The following B3GAT1 variants were observed in gnomAD, a reference collection of about 807,000 sequenced individuals.
B3GAT1 encodes beta-1,3-glucuronyltransferase 1.
In B3GAT1, 11 loss-of-function variants were observed where a neutral mutation model predicts 28.4. The ratio of observed to expected loss-of-function variants is 0.39; its 90% CI spans 0.24 to 0.64. B3GAT1 has a LOEUF of 0.64. Among genes scored for constraint, B3GAT1 ranks in the 30% least tolerant of loss-of-function variants. B3GAT1 has a pLI of 0.50. For synonymous variants in B3GAT1, 255 were observed against 223.1 expected, an observed-to-expected ratio of 1.14 and a Z score of -1.27; for missense variants, 375 against 491.0, an observed-to-expected ratio of 0.76 and a Z score of 2.23.
chr11:134,401,997 G>T (rs1455799083), intron 1 of B3GAT1, among the ~76,000 whole-genome samples: 4 of 146,334 alleles, frequency 2.7e-5, no homozygotes, highest in East Asian at 2.0e-4. Context: ...CCTGACCACT[G>T]TCGGGAGGCG....
At position 134,380,596 on chromosome 11, in the gene B3GAT1, CTGTCCTT is replaced by C. The variant is rs542412662; in HGVS notation, c.*159_*165del. 6.5e-6 allele frequency: 1 copy of C among 152,888 alleles called. No individual in the cohort carries two copies. Among genetic ancestry groups the C allele is most frequent in the East Asian group, 1.9e-4 (1 of 5,188 alleles). The allele number at this position is 152,888 out of a possible 1,614,324, so 9.5% of individuals were successfully genotyped here. A position where few individuals can be genotyped will look rare whatever the true frequency, so the allele number is the denominator to read the frequency against. The stretch of plus-strand genomic sequence containing the variant: ...TCTGGGATTTCTGTGCTTAAATTCT[CTGTCCTT>C]TGTTCTGGCATCAGGCTGGGCTCTC... On this transcript the variant is annotated 3_prime_UTR_variant, in exon 6 of 6. Coordinates refer to ENST00000312527, the MANE Select transcript of B3GAT1 (RefSeq NM_054025.3).
Position 134,393,053 on chromosome 11 carries a change from C to T in B3GAT1, c.-281-5113G>A, listed in dbSNP as rs1421915907. Among the ~76,000 whole-genome samples the T allele has an allele frequency of 6.6e-6, 1 of 152,140 alleles. No homozygotes were observed. The highest frequency in any genetic ancestry group is 2.4e-5 in the African/African-American group (1 of 41,428). ...ACACAGCTCGCTCCAGTGCAGGTGA[C>T]GTGTGAACGCAAAATGTTCCCAAAG... On this transcript the variant is annotated intron_variant, in intron 1 of 5. Transcript: ENST00000312527. The surrounding 1 kb of genome is among the most constrained non-coding windows in gnomAD (Gnocchi z 4.0).
intron 1 of B3GAT1, chr11:134,389,964 C>T (rs1013201531): frequency 1.3e-5 from 2 of 152,238 alleles, no homozygotes; most frequent in African/African-American, 4.8e-5. Flanking sequence ...CTGTGGTTTC[C>T]CAGGACGGCC....
In B3GAT1 at chr11:134,380,367, G is replaced by C. The variant is rs1944096781; in HGVS notation, c.*395C>G. The C allele has an allele frequency of 6.6e-6, 1 of 152,194 alleles. No homozygotes were observed. Among genetic ancestry groups the C allele is most frequent in the Non-Finnish European group, 1.5e-5 (1 of 68,070 alleles). The allele number at this position is 152,194 out of a possible 1,614,324, so 9.4% of individuals were successfully genotyped here. On this transcript the variant is annotated 3_prime_UTR_variant, in exon 6 of 6. Transcript: ENST00000312527. ...AGCCAGGGAGGGCCATGCTCCACTT[G>C]ACTGCGGGGTCTTCTTATCTCCCTC...
rs1031806206 is a variant in B3GAT1, at chr11:134,387,960, C to A, written c.-281-20G>T. 6 of 1,122,654 alleles carry A rather than the reference C, an allele frequency of 5.3e-6. No individual in the cohort carries two copies. In the African/African-American group the frequency reaches 9.3e-5, roughly 17 times the overall value. 69.5% of individuals were successfully genotyped at this position (1,122,654 alleles called of 1,614,324 possible). A position where few individuals can be genotyped will look rare whatever the true frequency, so the allele number is the denominator to read the frequency against. ...GGACACCTGCAAGAGAGAGCAGAAG[C>A]GGATAGCCAGAGACCCAGGTATAGG... On this transcript the variant is annotated intron_variant, in intron 1 of 5. Transcript: ENST00000312527.
chr11:134,384,093 C>G lies in B3GAT1; in HGVS notation c.208G>C (p.Glu70Gln). ...DRDIVEVVRT[E>Q]YVYTRPPPWS... ...GGCGGGGGCCGCGTGTACACGTACT[C>G]GGTGCGCACCACCTCCACGATGTCG... The change falls in exon 3 of 6, where the codon GAG (glutamate) becomes CAG (glutamine). Residue 70 changes from glutamate to glutamine, a missense_variant. Coordinates refer to ENST00000312527, the MANE Select transcript of B3GAT1 (RefSeq NM_054025.3). The G allele has an allele frequency of 6.3e-7, 1 of 1,593,832 alleles. No individual in the cohort carries two copies. The highest frequency in any genetic ancestry group is 1.1e-5 in the South Asian group (1 of 90,712).
Position 134,383,927 on chromosome 11 carries a change from C to T in B3GAT1, c.374G>A (p.Arg125His), listed in dbSNP as rs780363345. ...LHWLVVEDAP[R>H]RTPLTARLLR... The stretch of plus-strand genomic sequence containing the variant: ...CAGGCGCGCGGTCAGCGGCGTCCGG[C>T]GCGGCGCATCCTCCACCACCAGCCA... The change falls in exon 3 of 6, where the codon CGC becomes CAC. Residue 125 changes from arginine (R) to histidine (H), a missense_variant. By Grantham distance (29) the Arg-to-His change is conservative. Coordinates refer to ENST00000312527, the MANE Select transcript of B3GAT1 (RefSeq NM_054025.3). 6 of 1,595,832 alleles carry T rather than the reference C, an allele frequency of 3.8e-6. No homozygotes were observed. In the African/African-American group the frequency reaches 4.0e-5, roughly 11 times the overall value.
chr11:134,411,576 T>G lies in B3GAT1; in HGVS notation c.-282+231A>C, dbSNP rs1474566754. 6.6e-6 allele frequency among the ~76,000 whole-genome samples: 1 copy of G among 152,098 alleles called. No homozygotes were observed. Among genetic ancestry groups the G allele is most frequent in the African/African-American group, 2.4e-5 (1 of 41,408 alleles). ...AATCCCGGTCGACGAGGGCAGGCTG[T>G]GCCGGGTTTTGTTTCGCAGCCCCTC... On this transcript the variant is annotated intron_variant, in intron 1 of 5. Coordinates refer to ENST00000312527, the MANE Select transcript of B3GAT1 (RefSeq NM_054025.3). This position sits in a 1 kb window ranked among gnomAD's most constrained non-coding sequence, Gnocchi z 6.0.
chr11:134,404,103 T>C (rs1039576169), intron 1 of B3GAT1, among the ~76,000 whole-genome samples: 3 of 148,806 alleles, frequency 2.0e-5, no homozygotes, highest in Middle Eastern at 3.5e-3. Flanking sequence ...ATGTGCCATG[T>C]TGGTGTGCTG....
rs1457077816 is a variant in B3GAT1 at position 134,400,017 on chromosome 11, T to C, written c.-282+11790A>G. Among the ~76,000 whole-genome samples, 3 of 152,144 alleles carry C rather than the reference T, an allele frequency of 2.0e-5. No homozygotes were observed. In the East Asian group the frequency reaches 5.8e-4, roughly 29 times the overall value. ...CAGCCAACTGCCCCACAGTACTGCC[T>C]TCCTGCTGTCATGCTGCCCTAGGCT... On this transcript the variant is annotated intron_variant, in intron 1 of 5. Transcript: ENST00000312527.
intron 4 of B3GAT1, among the ~76,000 whole-genome samples, chr11:134,382,306 A>AGTGTGTGT (rs3065400): frequency 2.0e-5 from 3 of 151,972 alleles, no homozygotes; most frequent in Non-Finnish European, 4.4e-5. Flanking sequence ...AGACTTCCCA[A>AGTGTGTGT]GTGTGTGTGT....
intron 2 of B3GAT1, chr11:134,384,461 TC>T: frequency 2.1e-6 from 1 of 470,244 alleles, no homozygotes; most frequent in Middle Eastern, 5.5e-4. Flanking sequence ...TTGCCCATAT[TC>T]CAAGATTGCA....
chr11:134,411,014 C>G lies in B3GAT1; in HGVS notation c.-282+793G>C, dbSNP rs1944842613. Among the ~76,000 whole-genome samples the G allele has an allele frequency of 1.3e-5, 2 of 152,196 alleles. No individual in the cohort carries two copies. The highest frequency in any genetic ancestry group is 2.9e-5 in the Non-Finnish European group (2 of 68,030). ...AGGCCTGGCTGGGGGAGGAAGGGGA[C>G]AGGGAAGTTGGCCAAGGCTCCCATG... On this transcript the variant is annotated intron_variant, in intron 1 of 5. Coordinates refer to ENST00000312527, the MANE Select transcript of B3GAT1 (RefSeq NM_054025.3). The surrounding 1 kb of genome is among the most constrained non-coding windows in gnomAD (Gnocchi z 6.0).
intron 1 of B3GAT1, among the ~76,000 whole-genome samples, chr11:134,404,704 A>G (rs1269075043): frequency 6.6e-6 from 1 of 152,180 alleles, no homozygotes; most frequent in Non-Finnish European, 1.5e-5. Flanking sequence ...CGCCCCACTG[A>G]CAGCCTGCAA....
chr11:134,381,590 G>T (rs1051745657), intron 5 of B3GAT1: 1 of 266,460 alleles, frequency 3.8e-6, no homozygotes. Flanking sequence ...GCAGACTTGG[G>T]GGGACAGACG....
In B3GAT1 at chr11:134,379,052, G is replaced by A. The variant is rs1226110721; in HGVS notation, c.*1710C>T. On this transcript the variant is annotated 3_prime_UTR_variant, in exon 6 of 6. Transcript: ENST00000312527. ...CCCATGCCACCCCACTTGCTTCCAA[G>A]GGCTTGGTTTCCAAAGTGACATCCA... 1.3e-5 allele frequency: 2 copies of A among 152,206 alleles called. No individual in the cohort carries two copies. The highest frequency in any genetic ancestry group is 2.9e-5 in the Non-Finnish European group (2 of 68,048). 9.4% of individuals were successfully genotyped at this position (152,206 alleles called of 1,614,324 possible).
intron 1 of B3GAT1, among the ~76,000 whole-genome samples, chr11:134,405,852 A>G (rs1078938): frequency 0.99 from 151,374 of 152,334 alleles, 75,211 homozygotes; most frequent in Middle Eastern, 1. Context: ...TGGGGTGTCC[A>G]GCACCAGCCT....
intron 5 of B3GAT1, among the ~76,000 whole-genome samples, chr11:134,381,406 C>G (rs1473758402): frequency 6.6e-6 from 1 of 152,186 alleles, no homozygotes; most frequent in Non-Finnish European, 1.5e-5. Flanking sequence ...CCAGAAAAGT[C>G]AAGTCAGGTC....
chr11:134,409,154 G>A (rs2136343919), intron 1 of B3GAT1, among the ~76,000 whole-genome samples: 1 of 152,304 alleles, frequency 6.6e-6, no homozygotes, highest in Admixed American at 6.5e-5. Context: ...CAGGAAGCCG[G>A]GGCTTAGAGA....
Sources: allele counts gnomAD v4.1 joint callset (sites outside exome capture counted in the v4.1 genomes callset), GRCh38; gene constraint gnomAD v4.1.1; non-coding constraint Gnocchi (gnomAD v3.1); transcripts MANE v1.5; gene names NCBI Gene and HGNC (gene_info 2026-07-23, HGNC 2026-07-21).